Variants in PDE11A observed in about 807,000 individuals in gnomAD.
PDE11A encodes the protein dual 3',5'-cyclic-AMP and -GMP phosphodiesterase 11A.
In PDE11A, 100 loss-of-function variants were observed where a neutral mutation model predicts 100.5. The observed-to-expected ratio is 1.00, with a 90% CI of 0.85 to 1.18. The LOEUF (loss-of-function observed/expected upper bound fraction) is 1.18. Among genes scored for constraint, PDE11A ranks in the 50% most tolerant of loss-of-function variants. The pLI is 0.00. For missense variants in PDE11A, 1,141 were observed against 1,152.6 expected (o/e 0.99, Z 0.15); for synonymous variants, 381 against 420.8 (o/e 0.91, Z 1.16).
chr2:178,087,870 C>T (rs1249381148), intron 2 of PDE11A, among the ~76,000 whole-genome samples: 1 of 152,068 alleles, frequency 6.6e-6, no homozygotes, highest in East Asian at 1.9e-4. Context: ...CCTCCTCAAT[C>T]ACAGTGGTTC....
rs114984958 is a variant in PDE11A, at chr2:178,028,562, T to C, written c.913-14102A>G. 8.5e-3 allele frequency among the ~76,000 whole-genome samples: 1,291 copies of C among 152,346 alleles called. 20 individuals carry two copies. The highest frequency in any genetic ancestry group is 0.03 in the African/African-American group (1,237 of 41,582). ...CTGGAGAAATGAGTCGGCATGTTTA[T>C]TGGCACTCTCATCTAAGCTATTCCA... On this transcript the variant is annotated intron_variant, in intron 1 of 19. Transcript: ENST00000286063.
At chr2:178,036,702 C>T (rs1366307817) in intron 1 of PDE11A, among the ~76,000 whole-genome samples, 1 of 152,026 alleles carries the variant, frequency 6.6e-6, no homozygotes, top group Non-Finnish European at 1.5e-5. Flanking sequence ...GAAAGGAGAC[C>T]TCAGAAATAA....
intron 10 of PDE11A, among the ~76,000 whole-genome samples, chr2:177,751,954 G>T (rs1015631437): frequency 3.3e-5 from 5 of 152,156 alleles, no homozygotes; most frequent in African/African-American, 1.2e-4. Context: ...AAGGGGTTAA[G>T]GTGTTGCCTA....
intron 12 of PDE11A, among the ~76,000 whole-genome samples, chr2:177,717,625 G>A (rs72947189): frequency 0.13 from 20,486 of 152,048 alleles, 1,416 homozygotes; most frequent in Non-Finnish European, 0.15. Context: ...TCTAAGTAAA[G>A]AGTCAGCCAG....
At chr2:178,084,175 G>A (rs1559066885) in intron 2 of PDE11A, among the ~76,000 whole-genome samples, 1 of 152,140 alleles carries the variant, frequency 6.6e-6, no homozygotes, top group Non-Finnish European at 1.5e-5. Context: ...AATCCAAAGA[G>A]GACTTTTATC....
In PDE11A at chr2:177,628,158, A is replaced by C. The variant is rs574803728; in HGVS notation, c.*1249T>G. 4.6e-5 allele frequency: 7 copies of C among 152,760 alleles called. No individual in the cohort carries two copies. In the East Asian group the frequency reaches 1.2e-3, roughly 25 times the overall value. 9.5% of individuals were successfully genotyped at this position (152,760 alleles called of 1,614,324 possible). A position where few individuals can be genotyped will look rare whatever the true frequency, so the allele number is the denominator to read the frequency against. ...AAAACATGTTCGAGAATCGTTTCCTAGTGTAATCTAATTTGACAAATAAGG... is the reference window on the plus strand; with the variant it reads ...AAAACATGTTCGAGAATCGTTTCCTCGTGTAATCTAATTTGACAAATAAGG... On this transcript the variant is annotated 3_prime_UTR_variant, in exon 20 of 20. Transcript: ENST00000286063.
At chr2:177,858,435 G>A (rs1480253316) in intron 5 of PDE11A, among the ~76,000 whole-genome samples, 3 of 150,582 alleles carry the variant, frequency 2.0e-5, no homozygotes, top group African/African-American at 7.3e-5. Flanking sequence ...AGTGGGTGAA[G>A]GATATGAACA....
intron 2 of PDE11A, among the ~76,000 whole-genome samples, chr2:177,923,475 C>T (rs2085082846): frequency 6.6e-6 from 1 of 152,134 alleles, no homozygotes; most frequent in African/African-American, 2.4e-5. Context: ...AATTCTGACC[C>T]ATCCTCCTTT....
intron 1 of PDE11A, among the ~76,000 whole-genome samples, chr2:178,050,909 T>C (rs1188783911): frequency 6.6e-6 from 1 of 152,114 alleles, no homozygotes; most frequent in Admixed American, 6.5e-5. Flanking sequence ...ACGGGGAGAA[T>C]GGAACCAAGT....
At chr2:177,630,375 C>T (rs1234714467) in intron 19 of PDE11A, among the ~76,000 whole-genome samples, 2 of 152,054 alleles carry the variant, frequency 1.3e-5, no homozygotes, top group East Asian at 1.9e-4. Flanking sequence ...CTGGGTTGCC[C>T]CTGGTAGTGG....
intron 9 of PDE11A, among the ~76,000 whole-genome samples, chr2:177,801,944 A>C (rs2082801128): frequency 6.6e-6 from 1 of 152,100 alleles, no homozygotes; most frequent in South Asian, 2.1e-4. Flanking sequence ...AAATTGGGTG[A>C]AAATATTGAC....
chr2:177,981,047 A>C (rs2105803075), intron 2 of PDE11A, among the ~76,000 whole-genome samples: 1 of 149,750 alleles, frequency 6.7e-6, no homozygotes, highest in African/African-American at 2.4e-5. Flanking sequence ...AACCAATCTC[A>C]GTTAAAATCC....
chr2:177,756,739 G>A (rs529257341), intron 10 of PDE11A, among the ~76,000 whole-genome samples: 8 of 152,306 alleles, frequency 5.3e-5, no homozygotes, highest in South Asian at 4.1e-4. Flanking sequence ...TGCTGTTAGC[G>A]CCCACAAACA....
Position 177,935,062 on chromosome 2 carries a change from A to G in PDE11A, c.1072-29875T>C, listed in dbSNP as rs559923441. ...CCCAAACCTCAGCATTTTACAATATACCCAGGTAACAAAACTGGACATGTA... is the reference window on the plus strand; with the variant it reads ...CCCAAACCTCAGCATTTTACAATATGCCCAGGTAACAAAACTGGACATGTA... On this transcript the variant is annotated intron_variant, in intron 2 of 19. Coordinates refer to ENST00000286063, the MANE Select transcript of PDE11A (RefSeq NM_016953.4). 2.0e-3 allele frequency among the ~76,000 whole-genome samples: 302 copies of G among 152,230 alleles called. 7 individuals carry two copies. The East Asian group carries it at 0.046, about 23-fold the overall frequency.
chr2:177,850,512 G>A (rs867586037), intron 5 of PDE11A, among the ~76,000 whole-genome samples: 112 of 152,242 alleles, frequency 7.4e-4, no homozygotes, highest in African/African-American at 2.0e-3. Flanking sequence ...AAGCAATGGC[G>A]ACAGAAGCCA....
In PDE11A at chr2:177,967,201, T is replaced by C. The variant is rs112617108; in HGVS notation, c.1071+47101A>G. Among the ~76,000 whole-genome samples the C allele has an allele frequency of 8.2e-3, 267 of 32,612 alleles. No homozygotes were observed. In the African/African-American group the frequency reaches 0.11, roughly 13 times the overall value. The allele number at this position is 32,612 out of a possible 152,430, so 21.4% of individuals were successfully genotyped here. ...GATTGGTGGTAATGTCTCCTTTGTC[T>C]TTTTTTTTTTTTTTTTTTTTACTCT... On this transcript the variant is annotated intron_variant, in intron 2 of 19. Coordinates refer to ENST00000286063, the MANE Select transcript of PDE11A (RefSeq NM_016953.4).
chr2:177,701,089 T>C (rs1467306066), intron 14 of PDE11A, 32 bp downstream of exon 14: 1 of 1,218,536 alleles, frequency 8.2e-7, no homozygotes. Flanking sequence ...TTGGTTTCTG[T>C]TAAGGGGAGA....
At chr2:177,667,794 G>A (rs2080612613) in intron 18 of PDE11A, among the ~76,000 whole-genome samples, 11 of 152,174 alleles carry the variant, frequency 7.2e-5, no homozygotes, top group Admixed American at 7.2e-4. Context: ...GAGGCACTCA[G>A]GCAGGCTTTC....
intron 10 of PDE11A, among the ~76,000 whole-genome samples, chr2:177,753,050 C>T (rs1344925): frequency 0.72 from 109,359 of 152,056 alleles, 40,713 homozygotes; most frequent in East Asian, 0.91. Flanking sequence ...CAGTGAAGAA[C>T]GTATATTCAG....
Sources: gnomAD v4.1 joint callset for allele counts (sites outside exome capture counted in the v4.1 genomes callset) on GRCh38, gnomAD v4.1.1 for gene constraint, MANE v1.5 for transcripts, NCBI Gene and HGNC (gene_info 2026-07-23, HGNC 2026-07-21) for gene names.